Variants in VEPH1 observed in about 807,000 individuals in gnomAD.
VEPH1 encodes ventricular zone-expressed PH domain-containing protein homolog 1.
Under a neutral mutation model 85.2 loss-of-function variants are expected in VEPH1, and 80 were observed. That is an observed-to-expected ratio of 0.94 (90% CI 0.78 to 1.13). The LOEUF is 1.13. Among genes scored for constraint, VEPH1 ranks in the 50% most tolerant of loss-of-function variants. The probability of loss-of-function intolerance (pLI) is 0.00; values close to 1 mark genes in which losing one functional copy is unlikely to be tolerated. For synonymous variants in VEPH1, 297 were observed against 348.0 expected (o/e 0.85, Z 1.63); for missense variants, 955 against 980.5 (o/e 0.97, Z 0.35).
At chr3:157,498,646 C>G (rs1444174126) in intron 1 of VEPH1, among the ~76,000 whole-genome samples, 1 of 152,196 alleles carries the variant, frequency 6.6e-6, no homozygotes, top group African/African-American at 2.4e-5. Context: ...CAGCTCTCAT[C>G]CAATGAGTAC....
At chr3:157,377,403 C>T (rs2108843654) in intron 7 of VEPH1, among the ~76,000 whole-genome samples, 2 of 149,702 alleles carry the variant, frequency 1.3e-5, no homozygotes, top group Non-Finnish European at 1.5e-5. Context: ...CTTATTTTTT[C>T]TTCCTACCTA....
chr3:157,482,649 T>G (rs1323845406), intron 2 of VEPH1, among the ~76,000 whole-genome samples: 1 of 152,254 alleles, frequency 6.6e-6, no homozygotes, highest in Non-Finnish European at 1.5e-5. Context: ...TTGTGTCATC[T>G]GTGATTTCTT....
At chr3:157,494,595 A>G (rs1273798265) in intron 2 of VEPH1, among the ~76,000 whole-genome samples, 1 of 152,190 alleles carries the variant, frequency 6.6e-6, no homozygotes, top group Non-Finnish European at 1.5e-5. Context: ...GGGACTAATA[A>G]TGGGTGGGTG....
intron 4 of VEPH1, among the ~76,000 whole-genome samples, chr3:157,448,915 C>G (rs1560071210): frequency 6.6e-6 from 1 of 152,176 alleles, no homozygotes. Flanking sequence ...TGGTTTCCCC[C>G]ATACTATTCT....
At chr3:157,299,670 A>G (rs1369325851) in intron 11 of VEPH1, among the ~76,000 whole-genome samples, 2 of 141,040 alleles carry the variant, frequency 1.4e-5, no homozygotes, top group African/African-American at 4.9e-5. Flanking sequence ...CCATGATGCC[A>G]TGATAGATGC....
chr3:157,459,559 G>A, intron 4 of VEPH1: 5 of 1,078,284 alleles, frequency 4.6e-6, no homozygotes, highest in Non-Finnish European at 5.7e-6. Flanking sequence ...CTGACTTCAA[G>A]TTCAAAAACA....
intron 9 of VEPH1, among the ~76,000 whole-genome samples, chr3:157,320,789 A>G (rs994740982): frequency 1.3e-5 from 2 of 152,198 alleles, no homozygotes; most frequent in Non-Finnish European, 2.9e-5. Context: ...AAATAAATTT[A>G]AAGACATGAT....
At chr3:157,444,259 A>C (rs1252004845) in intron 4 of VEPH1, among the ~76,000 whole-genome samples, 1 of 152,154 alleles carries the variant, frequency 6.6e-6, no homozygotes, top group African/African-American at 2.4e-5. Context: ...TTTCCTCTTC[A>C]TGAGGTTTGG....
At chr3:157,447,043 A>G (rs916682495) in intron 4 of VEPH1, among the ~76,000 whole-genome samples, 6 of 152,262 alleles carry the variant, frequency 3.9e-5, no homozygotes, top group Non-Finnish European at 8.8e-5. Context: ...AAAATAAGAT[A>G]GTTATCTTAA....
chr3:157,460,388 G>A lies in VEPH1; in HGVS notation c.355-33C>T, dbSNP rs564973014. On this transcript the variant is annotated intron_variant, in intron 3 of 13. Transcript: ENST00000362010. ...AATATAAGAAAGCCACAAATAATAA[G>A]TGACTCATTATTCATTTATTCATTC... The A allele has an allele frequency of 4.3e-5, 68 of 1,591,006 alleles. 1 individual carries two copies. The South Asian group carries it at 7.0e-4, about 16-fold the overall frequency.
intron 9 of VEPH1, among the ~76,000 whole-genome samples, chr3:157,343,166 A>G (rs1723781184): frequency 6.6e-6 from 1 of 152,214 alleles, no homozygotes; most frequent in African/African-American, 2.4e-5. Context: ...AAGGCAAGAA[A>G]TAACTAAGAT....
intron 9 of VEPH1, among the ~76,000 whole-genome samples, chr3:157,340,521 G>T (rs185872071): frequency 6.6e-6 from 1 of 152,294 alleles, no homozygotes; most frequent in Non-Finnish European, 1.5e-5. Context: ...AAACAAAGCG[G>T]CCAGGAAGCT....
At chr3:157,316,075 T>C (rs1175953357) in intron 10 of VEPH1, 1 of 151,888 alleles carries the variant, frequency 6.6e-6, no homozygotes, top group Admixed American at 6.5e-5. Flanking sequence ...GTCCAATCTG[T>C]CTCTTTTCTT....
At chr3:157,419,072 C>T (rs879521175) in intron 5 of VEPH1, among the ~76,000 whole-genome samples, 9 of 152,020 alleles carry the variant, frequency 5.9e-5, no homozygotes, top group East Asian at 3.9e-4. Flanking sequence ...CAAAAACAAG[C>T]GAGGGGGAAA....
chr3:157,437,612 C>T (rs757484338), intron 4 of VEPH1: 62 of 1,566,116 alleles, frequency 4.0e-5, no homozygotes, highest in Non-Finnish European at 5.2e-5. Flanking sequence ...CTGCAAGCCA[C>T]GGACGACGTC....
At chr3:157,412,728 A>G (rs547772581) in intron 6 of VEPH1, among the ~76,000 whole-genome samples, 1 of 152,264 alleles carries the variant, frequency 6.6e-6, no homozygotes, top group South Asian at 2.1e-4. Context: ...TTGAAGATCC[A>G]TCCTCACATT....
chr3:157,317,454 A>T lies in VEPH1; in HGVS notation c.1736-253T>A, dbSNP rs549984529. On this transcript the variant is annotated intron_variant, in intron 9 of 13. Transcript: ENST00000362010. ...GACTCAGCAACTCCCATGGGGGGAA[A>T]ACCCTCTCACCAATAAAATGGGAGA... Among the ~76,000 whole-genome samples, 5 of 152,334 alleles carry T rather than the reference A, an allele frequency of 3.3e-5. No individual in the cohort carries two copies. The East Asian group carries it at 9.6e-4, about 29-fold the overall frequency.
intron 7 of VEPH1, among the ~76,000 whole-genome samples, chr3:157,368,653 G>A (rs1356176180): frequency 1.3e-5 from 2 of 151,824 alleles, no homozygotes; most frequent in Non-Finnish European, 2.9e-5. Context: ...CACCATGCCC[G>A]GCTAATTTTT....
intron 4 of VEPH1, among the ~76,000 whole-genome samples, chr3:157,448,550 CAAT>C (rs1380025983): frequency 1.3e-5 from 2 of 152,158 alleles, no homozygotes; most frequent in African/African-American, 4.8e-5. Context: ...GTAGGGTCTT[CAAT>C]AATATTTTCA....
Sources: allele counts gnomAD v4.1 joint callset (sites outside exome capture counted in the v4.1 genomes callset), GRCh38; gene constraint gnomAD v4.1.1; transcripts MANE v1.5; gene names NCBI Gene and HGNC (gene_info 2026-07-23, HGNC 2026-07-21).